FREM1: variants seen among roughly 807,000 people sequenced by gnomAD.
FREM1 encodes the protein FRAS1-related extracellular matrix protein 1.
Under a neutral mutation model 210.1 loss-of-function variants are expected in FREM1, and 220 were observed. That is an observed-to-expected ratio of 1.05 (90% CI 0.94 to 1.17). The LOEUF (loss-of-function observed/expected upper bound fraction) is 1.17, where lower values mean the gene tolerates loss of function less well. Ranked by LOEUF, FREM1 falls within the 50% of genes most tolerant of loss-of-function variation. The pLI, the probability that FREM1 is intolerant of heterozygous loss-of-function variation, is 0.00. For missense variants in FREM1, 3,454 were observed against 2,675.5 expected, an observed-to-expected ratio of 1.29 and a Z score of -6.42; for synonymous variants, 1,189 against 980.2, an observed-to-expected ratio of 1.21 and a Z score of -3.98.
At chr9:14,754,063 C>T (rs976994369) in intron 29 of FREM1, among the ~76,000 whole-genome samples, 18 of 152,258 alleles carry the variant, frequency 1.2e-4, no homozygotes, top group East Asian at 1.9e-4. Flanking sequence ...TAGTGTGACA[C>T]GTTCTAGTTC....
chr9:14,755,686 C>A (rs952044260), intron 29 of FREM1, among the ~76,000 whole-genome samples: 19 of 152,200 alleles, frequency 1.2e-4, no homozygotes, highest in African/African-American at 3.9e-4. Context: ...GAGTTTTCTT[C>A]TTCATCTAAA....
At position 14,805,127 on chromosome 9, in the gene FREM1, G is replaced by A. The variant is rs373880710; in HGVS notation, c.3300C>T (p.Asn1100=). 87 of 1,576,458 alleles carry A rather than the reference G, an allele frequency of 5.5e-5. No individual in the cohort carries two copies. Among genetic ancestry groups the A allele is most frequent in the Middle Eastern group, 5.1e-4 (3 of 5,922 alleles). ...SIDSFQWKDM[N]AFHINYVQSR... ...ACTGCACATAGTTAATGTGAAAAGC[G>A]TTCATGTCTTTCCACTGAAATGAAT... The change falls in exon 19 of 37, where the codon AAC becomes AAT. Residue 1100 remains asparagine, a synonymous_variant. Coordinates refer to ENST00000380880, the MANE Select transcript of FREM1 (RefSeq NM_001379081.2).
intron 27 of FREM1, among the ~76,000 whole-genome samples, chr9:14,763,501 A>C (rs1322704521): frequency 3.9e-5 from 6 of 152,184 alleles, no homozygotes; most frequent in African/African-American, 1.4e-4. Flanking sequence ...TCTCAAAAAA[A>C]AGAAAGCAAA....
chr9:14,770,769 A>T lies in FREM1; in HGVS notation c.4895T>A (p.Leu1632His), dbSNP rs1280783263. Residue 1632 changes from leucine (L) to histidine (H), a missense_variant, in exon 26 of 37, where the codon CTC (leucine) becomes CAC (histidine). Physicochemically the swap from Leu to His is moderately conservative, Grantham distance 99 (BLOSUM62 -3). Coordinates refer to ENST00000380880, the MANE Select transcript of FREM1 (RefSeq NM_001379081.2). Reference protein sequence around the residue: ...QLDKTAPRITLLHSPSQVGLL... With the variant: ...QLDKTAPRITHLHSPSQVGLL... Reference sequence around the variant, plus strand: ...CCCCACTTGAGAAGGGGAATGCAAGAGTGTGATACGAGGAGCTGTTTTGTC... The same window carrying T: ...CCCCACTTGAGAAGGGGAATGCAAGTGTGTGATACGAGGAGCTGTTTTGTC... The T allele has an allele frequency of 2.5e-6, 4 of 1,613,210 alleles. No homozygotes were observed. Among genetic ancestry groups the T allele is most frequent in the Non-Finnish European group, 3.4e-6 (4 of 1,179,580 alleles).
chr9:14,772,304 C>T (rs942109588), intron 25 of FREM1, among the ~76,000 whole-genome samples: 2 of 152,028 alleles, frequency 1.3e-5, no homozygotes, highest in Non-Finnish European at 2.9e-5. Context: ...AATGAAAAGT[C>T]CACCAGGGGA....
At chr9:14,832,071 T>C (rs1023163122) in intron 10 of FREM1, among the ~76,000 whole-genome samples, 3 of 152,248 alleles carry the variant, frequency 2.0e-5, no homozygotes, top group African/African-American at 7.2e-5. Flanking sequence ...CCCTGGAACA[T>C]ATTTTGAAGC....
intron 1 of FREM1, among the ~76,000 whole-genome samples, chr9:14,870,683 T>C (rs1017572527): frequency 3.9e-5 from 6 of 152,086 alleles, no homozygotes; most frequent in African/African-American, 1.4e-4. Context: ...CTTTAAGTTT[T>C]AGGGTACATG....
chr9:14,788,727 T>C (rs1239005579), intron 23 of FREM1, among the ~76,000 whole-genome samples, 192 bp downstream of exon 23: 2 of 152,078 alleles, frequency 1.3e-5, no homozygotes, highest in East Asian at 3.8e-4. Flanking sequence ...GCTACTTCTG[T>C]GAACCACATA....
chr9:14,875,659 C>A (rs148826838), intron 1 of FREM1, among the ~76,000 whole-genome samples: 3,884 of 152,234 alleles, frequency 0.026, 169 homozygotes, highest in African/African-American at 0.089. Flanking sequence ...TCGTCTGAAG[C>A]CTTCTTCTCT....
At chr9:14,872,352 G>T (rs1284452949) in intron 1 of FREM1, among the ~76,000 whole-genome samples, 1 of 151,982 alleles carries the variant, frequency 6.6e-6, no homozygotes, top group Non-Finnish European at 1.5e-5. Flanking sequence ...ATTGAGCAGT[G>T]GTTTGTAGTT....
chr9:14,867,829 G>A (rs1831833205), intron 2 of FREM1, among the ~76,000 whole-genome samples: 1 of 152,114 alleles, frequency 6.6e-6, no homozygotes, highest in African/African-American at 2.4e-5. Flanking sequence ...ACAGGACAGT[G>A]GGAACAAGTA....
intron 23 of FREM1, among the ~76,000 whole-genome samples, chr9:14,786,760 T>G (rs935010134): frequency 1.3e-5 from 2 of 152,230 alleles, no homozygotes; most frequent in African/African-American, 4.8e-5. Flanking sequence ...CAAAATGCTT[T>G]GCAACTTCAG....
At chr9:14,909,024 G>T (rs371345457) in intron 1 of FREM1, among the ~76,000 whole-genome samples, 6 of 152,234 alleles carry the variant, frequency 3.9e-5, no homozygotes, top group East Asian at 1.9e-4. Context: ...GTTTTCCAGA[G>T]CAGAAACCTG....
chr9:14,815,222 C>T (rs1298081603), intron 15 of FREM1, among the ~76,000 whole-genome samples: 2 of 152,122 alleles, frequency 1.3e-5, no homozygotes, highest in African/African-American at 4.8e-5. Flanking sequence ...AGAACACTGA[C>T]CTAGGTAACA....
intron 18 of FREM1, among the ~76,000 whole-genome samples, chr9:14,805,430 T>C (rs1818183830): frequency 6.6e-6 from 1 of 152,206 alleles, no homozygotes; most frequent in South Asian, 2.1e-4. Flanking sequence ...ATACTTCAGA[T>C]ACTTAGAATA....
intron 9 of FREM1, 80 bp from the exon 10 acceptor site, chr9:14,841,669 A>G (rs1355434100): frequency 6.9e-6 from 8 of 1,152,910 alleles, no homozygotes; most frequent in Non-Finnish European, 9.5e-6. Flanking sequence ...ACTTATCTTC[A>G]AAAGTCTTAT....
intron 15 of FREM1, among the ~76,000 whole-genome samples, chr9:14,815,244 T>A (rs1294003122): frequency 6.6e-6 from 1 of 152,080 alleles, no homozygotes; most frequent in African/African-American, 2.4e-5. Context: ...AGAGTGGAGA[T>A]GCCAGCCCAA....
At chr9:14,812,334 G>A (rs1007618983) in intron 16 of FREM1, among the ~76,000 whole-genome samples, 5 of 152,080 alleles carry the variant, frequency 3.3e-5, no homozygotes, top group Non-Finnish European at 7.4e-5. Context: ...ATTTGCTGTG[G>A]GCAAGTCATA....
intron 13 of FREM1, 57 bp downstream of exon 13, chr9:14,823,103 T>A: frequency 7.2e-7 from 1 of 1,380,932 alleles, no homozygotes; most frequent in Non-Finnish European, 9.9e-7. Flanking sequence ...TAGTAGGTCT[T>A]CAAGTCTCTC....
Sources: allele counts gnomAD v4.1 joint callset (sites outside exome capture counted in the v4.1 genomes callset), GRCh38; gene constraint gnomAD v4.1.1; transcripts MANE v1.5; gene names NCBI Gene and HGNC (gene_info 2026-07-23, HGNC 2026-07-21).